Variants in ZNF385B observed in about 807,000 individuals in gnomAD.
ZNF385B encodes the protein zinc finger protein 533.
In ZNF385B, 23 loss-of-function variants were observed where a neutral mutation model predicts 39.2. That is an observed-to-expected ratio of 0.59 (90% CI 0.42 to 0.83). ZNF385B has a LOEUF of 0.83. ZNF385B is among the 40% of genes least tolerant of loss of function. The pLI, the probability that ZNF385B is intolerant of heterozygous loss-of-function variation, is 0.00. For missense variants in ZNF385B, 552 were observed against 598.9 expected, an observed-to-expected ratio of 0.92 and a Z score of 0.82; for synonymous variants, 205 against 222.6, an observed-to-expected ratio of 0.92 and a Z score of 0.70.
chr2:179,599,966 T>C (rs1688286275), intron 3 of ZNF385B, among the ~76,000 whole-genome samples: 1 of 152,348 alleles, frequency 6.6e-6, no homozygotes, highest in South Asian at 2.1e-4. Context: ...GGATGCTTCA[T>C]GGTACATGGA....
intron 1 of ZNF385B, among the ~76,000 whole-genome samples, chr2:179,812,260 T>C (rs951672036): frequency 6.6e-6 from 1 of 152,154 alleles, no homozygotes; most frequent in Non-Finnish European, 1.5e-5. Flanking sequence ...AAAACAGAAC[T>C]ACCGTTTAAC....
At chr2:179,750,605 C>T (rs889305557) in intron 3 of ZNF385B, among the ~76,000 whole-genome samples, 2 of 152,074 alleles carry the variant, frequency 1.3e-5, no homozygotes, top group African/African-American at 4.8e-5. Flanking sequence ...TTGACCAAGG[C>T]CTTTTCCCCT....
At chr2:179,736,887 T>A (rs573779169) in intron 3 of ZNF385B, among the ~76,000 whole-genome samples, 15 of 152,250 alleles carry the variant, frequency 9.9e-5, no homozygotes, top group Middle Eastern at 3.4e-3. Flanking sequence ...GGAGAATCAC[T>A]TGAACTCGAG....
chr2:179,541,097 T>C (rs1355147271), intron 4 of ZNF385B, among the ~76,000 whole-genome samples: 1 of 152,186 alleles, frequency 6.6e-6, no homozygotes, highest in East Asian at 1.9e-4. Flanking sequence ...AACATCATCA[T>C]CCTCCAAGCA....
At chr2:179,620,697 T>A (rs1275185106) in intron 3 of ZNF385B, among the ~76,000 whole-genome samples, 1 of 152,162 alleles carries the variant, frequency 6.6e-6, no homozygotes, top group African/African-American at 2.4e-5. Context: ...AGTCTTACAG[T>A]CATATATTCA....
intron 3 of ZNF385B, among the ~76,000 whole-genome samples, chr2:179,575,395 T>C (rs1219735316): frequency 6.6e-5 from 10 of 152,226 alleles, no homozygotes; most frequent in Admixed American, 5.9e-4. Context: ...ACAAATTAAA[T>C]GTAACATTAT....
Position 179,529,009 on chromosome 2 carries a change from G to A in ZNF385B, c.442-10371C>T, listed in dbSNP as rs1574629731. Among the ~76,000 whole-genome samples, 2 of 152,184 alleles carry A rather than the reference G, an allele frequency of 1.3e-5. 1 individual carries two copies. The highest frequency in any genetic ancestry group is 1.3e-4 in the Admixed American group (2 of 15,278). Reference sequence around the variant, plus strand: ...TTCAGTTTATTTCTGAAATGGGTATGGGACTTAATTAAATGTTTACTTATA... The same window carrying A: ...TTCAGTTTATTTCTGAAATGGGTATAGGACTTAATTAAATGTTTACTTATA... On this transcript the variant is annotated intron_variant, in intron 4 of 9. Coordinates refer to ENST00000410066, the MANE Select transcript of ZNF385B (RefSeq NM_152520.6).
At chr2:179,750,727 G>T (rs1185052580) in intron 3 of ZNF385B, among the ~76,000 whole-genome samples, 5 of 152,006 alleles carry the variant, frequency 3.3e-5, no homozygotes, top group Non-Finnish European at 7.4e-5. Context: ...TAATTAAGAG[G>T]TTTAAAGAAA....
intron 1 of ZNF385B, among the ~76,000 whole-genome samples, chr2:179,850,292 CT>C (rs1056099952): frequency 2.2e-4 from 34 of 152,278 alleles, no homozygotes; most frequent in African/African-American, 7.9e-4. Flanking sequence ...CTCAGCTGAG[CT>C]TCCACTCAAT....
chr2:179,533,774 A>G (rs11889787), intron 4 of ZNF385B, among the ~76,000 whole-genome samples: 17,679 of 152,164 alleles, frequency 0.12, 1,283 homozygotes, highest in South Asian at 0.21. Flanking sequence ...ACCTAGTTGC[A>G]ATTTGATTAA....
chr2:179,855,736 GC>G lies in ZNF385B; in HGVS notation c.-155+5364del, dbSNP rs147805249. ...TAAGGCAAGATGACCCTTAACCAAT[GC>G]AGTGAGTGTAAGTTTTAATAGTATG... On this transcript the variant is annotated intron_variant, in intron 1 of 9. Coordinates refer to ENST00000410066, the MANE Select transcript of ZNF385B (RefSeq NM_152520.6). 5.5e-3 allele frequency among the ~76,000 whole-genome samples: 841 copies of G among 152,296 alleles called. 14 individuals are homozygous for G. The highest frequency in any genetic ancestry group is 0.019 in the African/African-American group (807 of 41,562).
intron 4 of ZNF385B, among the ~76,000 whole-genome samples, chr2:179,541,744 C>CA (rs1164631950): frequency 3.9e-5 from 6 of 151,930 alleles, no homozygotes; most frequent in Non-Finnish European, 7.4e-5. Context: ...TATACACATT[C>CA]AAAAAAACCA....
At chr2:179,580,078 T>C (rs113832789) in intron 3 of ZNF385B, among the ~76,000 whole-genome samples, 12 of 152,216 alleles carry the variant, frequency 7.9e-5, no homozygotes, top group African/African-American at 2.9e-4. Flanking sequence ...TAGAGAAATA[T>C]TGAACATTCC....
At chr2:179,800,329 T>A (rs1048327891) in intron 1 of ZNF385B, among the ~76,000 whole-genome samples, 2 of 152,064 alleles carry the variant, frequency 1.3e-5, no homozygotes, top group African/African-American at 4.8e-5. Context: ...GCAATGGGAA[T>A]AAATAAGAGA....
At chr2:179,806,342 A>G (rs112103064) in intron 1 of ZNF385B, among the ~76,000 whole-genome samples, 5,323 of 152,246 alleles carry the variant, frequency 0.035, 136 homozygotes, top group African/African-American at 0.07. Flanking sequence ...AAATAATAGG[A>G]TATTTCATGC....
intron 3 of ZNF385B, among the ~76,000 whole-genome samples, chr2:179,637,497 GA>G (rs5836689): frequency 1.2e-4 from 18 of 148,878 alleles, no homozygotes; most frequent in South Asian, 1.1e-3. Context: ...CAGTTACCAA[GA>G]AAAAAAAAAA....
At chr2:179,520,861 AAATTG>A (rs1394977556) in intron 4 of ZNF385B, among the ~76,000 whole-genome samples, 8 of 152,204 alleles carry the variant, frequency 5.3e-5, no homozygotes, top group African/African-American at 1.9e-4. Context: ...TCTTTAAATC[AAATTG>A]AAGTACACTT....
intron 3 of ZNF385B, among the ~76,000 whole-genome samples, chr2:179,753,300 T>C (rs1304058132): frequency 5.9e-5 from 9 of 152,146 alleles, no homozygotes. Context: ...TATATATATC[T>C]CTGTTTTGGT....
At chr2:179,675,588 G>A (rs1367728446) in intron 3 of ZNF385B, among the ~76,000 whole-genome samples, 1 of 152,190 alleles carries the variant, frequency 6.6e-6, no homozygotes, top group Admixed American at 6.5e-5. Context: ...ACTGAAGAGT[G>A]AGTGTGAGTC....
Sources: allele counts gnomAD v4.1 joint callset (sites outside exome capture counted in the v4.1 genomes callset), GRCh38; gene constraint gnomAD v4.1.1; transcripts MANE v1.5; gene names NCBI Gene and HGNC (gene_info 2026-07-23, HGNC 2026-07-21).